QSER1: variants seen among roughly 807,000 people sequenced by gnomAD.
QSER1 encodes the protein glutamine and serine rich 1, also known as glutamine and serine-rich protein 1.
Under a neutral mutation model 158.5 loss-of-function variants are expected in QSER1, and 49 were observed. The ratio of observed to expected loss-of-function variants is 0.31; its 90% CI spans 0.25 to 0.39. The LOEUF (loss-of-function observed/expected upper bound fraction) is 0.39. Among genes scored for constraint, QSER1 ranks in the 10% least tolerant of loss-of-function variants. The probability of loss-of-function intolerance (pLI) is 1.00; values close to 1 mark genes in which losing one functional copy is unlikely to be tolerated. For synonymous variants in QSER1, 650 were observed against 715.5 expected, an observed-to-expected ratio of 0.91 and a Z score of 1.46; for missense variants, 1,754 against 2,010.3, an observed-to-expected ratio of 0.87 and a Z score of 2.44.
Position 32,893,004 on chromosome 11 carries a change from G to A in QSER1, c.-122G>A, listed in dbSNP as rs1435396210. 6.8e-6 allele frequency among the ~76,000 whole-genome samples: 1 copy of A among 147,558 alleles called. No homozygotes were observed. Reference sequence around the variant, plus strand: ...CTGCTCGCCGGGGCCATGTGAGGGGGCAGCTCCCTCCACCGCCGCCGCCCC... The same window carrying A: ...CTGCTCGCCGGGGCCATGTGAGGGGACAGCTCCCTCCACCGCCGCCGCCCC... On this transcript the variant is annotated 5_prime_UTR_variant, in exon 1 of 13. Coordinates refer to ENST00000650167, the MANE Select transcript of QSER1 (RefSeq NM_001076786.3). The surrounding 1 kb of genome is among the most constrained non-coding windows in gnomAD (Gnocchi z 4.7).
At chr11:32,958,538 A>C (rs1323107882) in intron 8 of QSER1, among the ~76,000 whole-genome samples, 1 of 152,104 alleles carries the variant, frequency 6.6e-6, no homozygotes, top group East Asian at 1.9e-4. Flanking sequence ...GGTGTGCACC[A>C]CCATGCCCAG....
At position 32,934,950 on chromosome 11, in the gene QSER1, A is replaced by G. The variant is rs1852122996; in HGVS notation, c.3692A>G (p.Gln1231Arg). 1 of 1,614,120 alleles carries G rather than the reference A, an allele frequency of 6.2e-7. No homozygotes were observed. The highest frequency in any genetic ancestry group is 8.5e-7 in the Non-Finnish European group (1 of 1,179,992). ...AAAAGACCTGCCCAAGGCAAACGCC[A>G]GAATCCAAGGGGAACAGATATTTAC... is the stretch of plus-strand genomic sequence containing the variant. Reference protein sequence around the residue: ...QLKRPAQGKRQNPRGTDIYLP... With the variant: ...QLKRPAQGKRRNPRGTDIYLP... The change falls in exon 4 of 13, where the codon CAG (glutamine) becomes CGG (arginine). Residue 1231 changes from glutamine to arginine, a missense_variant. Gln to Arg is a conservative substitution (Grantham distance 43). Coordinates refer to ENST00000650167, the MANE Select transcript of QSER1 (RefSeq NM_001076786.3).
intron 11 of QSER1, among the ~76,000 whole-genome samples, chr11:32,974,168 C>T (rs1163017186): frequency 6.6e-6 from 1 of 152,182 alleles, no homozygotes; most frequent in Non-Finnish European, 1.5e-5. Context: ...AGCCTATAAT[C>T]CCAGCACTTT....
chr11:32,969,186 C>A, intron 10 of QSER1, 43 bp downstream of exon 10: 2 of 1,111,284 alleles, frequency 1.8e-6, no homozygotes, highest in South Asian at 2.7e-5. Flanking sequence ...CAATGGCAGT[C>A]ATAGTCTTAA....
chr11:32,907,460 TG>T (rs1416715677), intron 1 of QSER1, among the ~76,000 whole-genome samples: 4 of 152,208 alleles, frequency 2.6e-5, no homozygotes, highest in African/African-American at 4.8e-5. Flanking sequence ...TGTGTTGTAG[TG>T]AAAAATTGAC....
intron 4 of QSER1, among the ~76,000 whole-genome samples, chr11:32,939,891 C>T (rs1852204323): frequency 6.6e-6 from 1 of 151,926 alleles, no homozygotes; most frequent in Non-Finnish European, 1.5e-5. Flanking sequence ...GGGATTTTTC[C>T]CTACACTGTC....
At position 32,974,650 on chromosome 11, in the gene QSER1, C is replaced by A. The variant is rs564093167; in HGVS notation, c.5359-598C>A. 3.9e-5 allele frequency among the ~76,000 whole-genome samples: 6 copies of A among 152,146 alleles called. No homozygotes were observed. The East Asian group carries it at 7.7e-4, about 20-fold the overall frequency. ...ATTTTTTTGAGTGCCTATAGTATGC[C>A]AAGTACAGTTCTAAGTACTAGAGAT... On this transcript the variant is annotated intron_variant, in intron 11 of 12. Transcript: ENST00000650167.
At chr11:32,913,600 C>T (rs1182173840) in intron 1 of QSER1, among the ~76,000 whole-genome samples, 1 of 152,190 alleles carries the variant, frequency 6.6e-6, no homozygotes, top group East Asian at 1.9e-4. Flanking sequence ...CCTAGCATAA[C>T]ACTTGGCAGT....
chr11:32,960,583 A>G (rs1048306402), intron 8 of QSER1, among the ~76,000 whole-genome samples: 6 of 152,182 alleles, frequency 3.9e-5, no homozygotes, highest in African/African-American at 1.4e-4. Context: ...AAAGAAATAT[A>G]TAATCAGAAT....
intron 1 of QSER1, among the ~76,000 whole-genome samples, chr11:32,915,477 C>T (rs928982814): frequency 6.6e-6 from 1 of 152,124 alleles, no homozygotes; most frequent in African/African-American, 2.4e-5. Flanking sequence ...CTCCCTACCA[C>T]GACTACCCAG....
intron 8 of QSER1, among the ~76,000 whole-genome samples, chr11:32,964,739 T>TATATAC (rs1260016683): frequency 9.9e-6 from 1 of 100,754 alleles, no homozygotes; most frequent in African/African-American, 4.1e-5. Context: ...TATATATATA[T>TATATAC]ACACACACAC....
At chr11:32,915,094 TAG>T (rs1353895511) in intron 1 of QSER1, among the ~76,000 whole-genome samples, 4 of 152,124 alleles carry the variant, frequency 2.6e-5, no homozygotes, top group Non-Finnish European at 5.9e-5. Flanking sequence ...TTATTTTTTG[TAG>T]AGAGTCTCAC....
rs897775418 is a variant in QSER1 at position 32,954,010 on chromosome 11, C to T, written c.4331C>T (p.Ser1444Leu). ...GAAAATATAAGCTCTTCAGAATCCTCAAAGCCCATTGAACTTGATGGTCTT... is the reference window on the plus strand; with the variant it reads ...GAAAATATAAGCTCTTCAGAATCCTTAAAGCCCATTGAACTTGATGGTCTT... ...ILENISSSES[S>L]KPIELDGLPS... Residue 1444 changes from serine (S) to leucine (L), a missense_variant, in exon 5 of 13, where the codon TCA becomes TTA. Transcript: ENST00000650167. The T allele has an allele frequency of 1.9e-6, 3 of 1,614,008 alleles. No individual in the cohort carries two copies. In the African/African-American group the frequency reaches 4.0e-5, roughly 22 times the overall value.
intron 1 of QSER1, among the ~76,000 whole-genome samples, chr11:32,915,876 A>G (rs1199884800): frequency 4.6e-5 from 7 of 152,114 alleles, no homozygotes; most frequent in Non-Finnish European, 1.0e-4. Context: ...TGCGTAGTTC[A>G]TGAAAAATTA....
chr11:32,929,533 T>A (rs1305111969), intron 3 of QSER1, among the ~76,000 whole-genome samples: 3 of 152,186 alleles, frequency 2.0e-5, no homozygotes, highest in Admixed American at 6.5e-5. Flanking sequence ...TTTACTATCA[T>A]ACGGCCATTT....
chr11:32,908,405 A>G (rs1254096012), intron 1 of QSER1, among the ~76,000 whole-genome samples: 2 of 152,194 alleles, frequency 1.3e-5, no homozygotes, highest in Non-Finnish European at 2.9e-5. Flanking sequence ...ATCAGTTACA[A>G]ATGCCAACAT....
At position 32,958,069 on chromosome 11, in the gene QSER1, G is replaced by C; in HGVS notation, c.4952G>C (p.Ser1651Thr). 6.2e-7 allele frequency: 1 copy of C among 1,613,926 alleles called. No homozygotes were observed. Among genetic ancestry groups the C allele is most frequent in the South Asian group, 1.1e-5 (1 of 91,062 alleles). ...GACTCATCTCCTGAGATCCATACTAGTAGTAGTGACGATGAGGGTGAGTTT... is the reference window on the plus strand; with the variant it reads ...GACTCATCTCCTGAGATCCATACTACTAGTAGTGACGATGAGGGTGAGTTT... ...QSDSSPEIHTSSSDDEEFEPP... is the reference protein window; with the variant it reads ...QSDSSPEIHTTSSDDEEFEPP... Residue 1651 changes from serine (S) to threonine (T), a missense_variant, in exon 8 of 13, where the codon AGT becomes ACT. This residue lies in a region of QSER1 where 1,707 missense variants were observed against 1,919.6 expected (regional missense o/e 0.89). Transcript: ENST00000650167.
chr11:32,914,177 G>A (rs528755595), intron 1 of QSER1, among the ~76,000 whole-genome samples: 16 of 152,228 alleles, frequency 1.1e-4, no homozygotes, highest in African/African-American at 3.9e-4. Flanking sequence ...AATACTGTGT[G>A]CTAAATAAAG....
At position 32,933,305 on chromosome 11, in the gene QSER1, G is replaced by A. The variant is rs773414629; in HGVS notation, c.2047G>A (p.Val683Met). The A allele has an allele frequency of 1.2e-6, 2 of 1,610,936 alleles. No individual in the cohort carries two copies. Among genetic ancestry groups the A allele is most frequent in the Non-Finnish European group, 1.7e-6 (2 of 1,178,986 alleles). The change falls in exon 4 of 13, where the codon GTG becomes ATG. Residue 683 changes from valine (V) to methionine (M), a missense_variant. By Grantham distance (21) the Val-to-Met change is conservative. Transcript: ENST00000650167. The part of the protein sequence containing the change: ...SYAERKLDSD[V>M]YPSSKQEDGF... The stretch of plus-strand genomic sequence containing the variant: ...TGCTGAAAGAAAGCTTGACTCAGAT[G>A]TGTATCCATCTTCAAAGCAAGAAGA...
Sources: allele counts gnomAD v4.1 joint callset (sites outside exome capture counted in the v4.1 genomes callset), GRCh38; gene constraint gnomAD v4.1.1; regional missense constraint gnomAD v4.1.1; non-coding constraint Gnocchi (gnomAD v3.1); transcripts MANE v1.5; gene names NCBI Gene and HGNC (gene_info 2026-07-23, HGNC 2026-07-21).